Variants in SH3BGRL2 observed in about 807,000 individuals in gnomAD.
SH3BGRL2 encodes SH3 domain binding glutamate rich protein like 2, also known as SH3 domain-binding glutamic acid-rich-like protein 2.
In SH3BGRL2, 21 loss-of-function variants were observed where a neutral mutation model predicts 14.8. The ratio of observed to expected loss-of-function variants is 1.42; its 90% CI spans 1.01 to 2.05. The LOEUF is 2.05. SH3BGRL2 is among the 30% of genes most tolerant of loss of function. The pLI, the probability that SH3BGRL2 is intolerant of heterozygous loss-of-function variation, is 0.00. For missense variants in SH3BGRL2, 147 were observed against 130.8 expected (o/e 1.12, Z -0.61); for synonymous variants, 50 against 47.8 (o/e 1.05, Z -0.19).
chr6:79,560,799 T>C, the SH3BGRL2 span, among the ~76,000 whole-genome samples: 1 of 151,504 alleles, frequency 6.6e-6, no homozygotes, highest in Admixed American at 6.6e-5. Flanking sequence ...CATATATCTT[T>C]AACATTTTCT....
At chr6:79,551,856 A>C in the SH3BGRL2 span, among the ~76,000 whole-genome samples, 1 of 152,158 alleles carries the variant, frequency 6.6e-6, no homozygotes, top group African/African-American at 2.4e-5. Context: ...TTGGGAGGCC[A>C]AGGTGGGTGG....
the SH3BGRL2 span, among the ~76,000 whole-genome samples, chr6:79,547,976 C>T: frequency 6.6e-6 from 1 of 152,130 alleles, no homozygotes; most frequent in Non-Finnish European, 1.5e-5. Context: ...AGCAGTCCTC[C>T]CACCCCAGTG....
At chr6:79,698,020 C>T (rs555203952) in intron 3 of SH3BGRL2, among the ~76,000 whole-genome samples, 1 of 152,194 alleles carries the variant, frequency 6.6e-6, no homozygotes, top group Non-Finnish European at 1.5e-5. Flanking sequence ...TACATTCTCA[C>T]ATGGCTTTTG....
At chr6:79,600,017 A>G in the SH3BGRL2 span, among the ~76,000 whole-genome samples, 3 of 152,188 alleles carry the variant, frequency 2.0e-5, no homozygotes, top group East Asian at 1.9e-4. Context: ...CCTAGGACAC[A>G]TGGCCCTCCT....
chr6:79,612,781 C>T, the SH3BGRL2 span, among the ~76,000 whole-genome samples: 1 of 152,206 alleles, frequency 6.6e-6, no homozygotes, highest in African/African-American at 2.4e-5. Context: ...GAGAAGCCCA[C>T]TTTGCTCAGT....
rs117112772 is a variant in SH3BGRL2, at chr6:79,635,878, A to G, written c.45+4372A>G. Among the ~76,000 whole-genome samples, 537 of 152,302 alleles carry G rather than the reference A, an allele frequency of 3.5e-3. 5 individuals are homozygous for G. The highest frequency in any genetic ancestry group is 6.8e-3 in the Middle Eastern group (2 of 294). On this transcript the variant is annotated intron_variant, in intron 1 of 3. Transcript: ENST00000369838. The stretch of plus-strand genomic sequence containing the variant: ...GCTTTGGGTGATTTATAACTATTTT[A>G]TACACACAATTACCAGGTAAGGTGT...
At chr6:79,572,762 G>GC in the SH3BGRL2 span, among the ~76,000 whole-genome samples, 2 of 152,140 alleles carry the variant, frequency 1.3e-5, no homozygotes, top group Admixed American at 1.3e-4. Context: ...ACTGCGCCTG[G>GC]CCTATTTTTA....
At chr6:79,614,318 A>G in the SH3BGRL2 span, among the ~76,000 whole-genome samples, 1 of 152,178 alleles carries the variant, frequency 6.6e-6, no homozygotes, top group Admixed American at 6.5e-5. Context: ...TGGTTGTCCA[A>G]GAACCAAACC....
intron 2 of SH3BGRL2, among the ~76,000 whole-genome samples, chr6:79,686,630 C>T (rs117417108): frequency 0.011 from 1,685 of 152,080 alleles, 21 homozygotes; most frequent in Non-Finnish European, 0.014. Context: ...GTTCTTGTTT[C>T]GTGGATGCAG....
the SH3BGRL2 span, among the ~76,000 whole-genome samples, chr6:79,597,824 A>G: frequency 6.6e-6 from 1 of 152,216 alleles, no homozygotes; most frequent in Non-Finnish European, 1.5e-5. Flanking sequence ...TGAAAAGACA[A>G]CCCACCAAAT....
At chr6:79,636,972 G>T (rs544812417) in intron 1 of SH3BGRL2, among the ~76,000 whole-genome samples, 13 of 152,216 alleles carry the variant, frequency 8.5e-5, no homozygotes, top group Admixed American at 7.2e-4. Flanking sequence ...TATCTTTTGG[G>T]TGAGACATAA....
chr6:79,688,968 C>T (rs1770155358), intron 2 of SH3BGRL2, among the ~76,000 whole-genome samples: 1 of 151,996 alleles, frequency 6.6e-6, no homozygotes, highest in African/African-American at 2.4e-5. Context: ...ATTTTTCACA[C>T]AATTCTTTAA....
the SH3BGRL2 span, among the ~76,000 whole-genome samples, chr6:79,583,044 C>T: frequency 1.3e-5 from 2 of 152,254 alleles, no homozygotes; most frequent in African/African-American, 4.8e-5. Flanking sequence ...CTCATCATCA[C>T]TGGTCATCAG....
chr6:79,548,952 AAATT>A, the SH3BGRL2 span, among the ~76,000 whole-genome samples: 1 of 152,174 alleles, frequency 6.6e-6, no homozygotes, highest in Non-Finnish European at 1.5e-5. Context: ...ATTAAGATAT[AAATT>A]AATTAATCCA....
chr6:79,603,814 T>C, the SH3BGRL2 span, among the ~76,000 whole-genome samples: 36 of 152,178 alleles, frequency 2.4e-4, 1 homozygote, highest in African/African-American at 8.2e-4. Context: ...CTTTTTTCTT[T>C]TTTGTTTTGA....
chr6:79,703,013 G>C lies in SH3BGRL2; in HGVS notation c.*3504G>C, dbSNP rs919716415. On this transcript the variant is annotated 3_prime_UTR_variant, in exon 4 of 4. Coordinates refer to ENST00000369838, the MANE Select transcript of SH3BGRL2 (RefSeq NM_031469.4). ...TACGCACCAGAACAGAAGGAGGGTGGAGGAAGTGATCAGAGGGAACGAGCT... is the reference window on the plus strand; with the variant it reads ...TACGCACCAGAACAGAAGGAGGGTGCAGGAAGTGATCAGAGGGAACGAGCT... 1.1e-4 allele frequency: 16 copies of C among 152,374 alleles called. No homozygotes were observed. The highest frequency in any genetic ancestry group is 1.9e-4 in the Non-Finnish European group (13 of 68,048). The allele number at this position is 152,374 out of a possible 1,614,324, so 9.4% of individuals were successfully genotyped here. A position where few individuals can be genotyped will look rare whatever the true frequency, so the allele number is the denominator to read the frequency against.
the SH3BGRL2 span, among the ~76,000 whole-genome samples, chr6:79,617,108 C>T: frequency 1.3e-5 from 2 of 151,834 alleles, no homozygotes; most frequent in Admixed American, 6.6e-5. Context: ...TTGCTTGAAC[C>T]CAGGAGGCGG....
chr6:79,624,264 A>C, the SH3BGRL2 span, among the ~76,000 whole-genome samples: 1 of 150,046 alleles, frequency 6.7e-6, no homozygotes, highest in Non-Finnish European at 1.5e-5. Context: ...ATTGAATACT[A>C]TATATAGTAT....
the SH3BGRL2 span, among the ~76,000 whole-genome samples, chr6:79,556,238 A>C: frequency 1.3e-5 from 2 of 152,178 alleles, no homozygotes; most frequent in Non-Finnish European, 2.9e-5. Flanking sequence ...CAAAAATGTA[A>C]GCACATCTAA....
Sources: gnomAD v4.1 joint callset for allele counts (sites outside exome capture counted in the v4.1 genomes callset) on GRCh38, gnomAD v4.1.1 for gene constraint, MANE v1.5 for transcripts, NCBI Gene and HGNC (gene_info 2026-07-23, HGNC 2026-07-21) for gene names.